Variants in GRID2 observed in about 807,000 individuals in gnomAD.
GRID2 encodes the protein glutamate receptor ionotropic, delta-2.
Under a neutral mutation model 114.8 loss-of-function variants are expected in GRID2, and 33 were observed. The ratio of observed to expected loss-of-function variants is 0.29; its 90% CI spans 0.22 to 0.38. The LOEUF (loss-of-function observed/expected upper bound fraction) is 0.38. GRID2 is among the 10% of genes least tolerant of loss of function. The pLI is 1.00. For synonymous variants in GRID2, 505 were observed against 449.9 expected (o/e 1.12, Z -1.55); for missense variants, 1,184 against 1,257.7 (o/e 0.94, Z 0.89).
At chr4:92,992,970 T>TGCA (rs1381873396) in intron 2 of GRID2, among the ~76,000 whole-genome samples, 1 of 152,062 alleles carries the variant, frequency 6.6e-6, no homozygotes, top group Non-Finnish European at 1.5e-5. Context: ...CACTTTCCAT[T>TGCA]GCAGCTACTT....
intron 1 of GRID2, among the ~76,000 whole-genome samples, chr4:92,410,451 T>C (rs961376755): frequency 2.6e-5 from 4 of 152,214 alleles, no homozygotes; most frequent in Non-Finnish European, 5.9e-5. Flanking sequence ...ACACGTATTT[T>C]GTATGCAGTG....
At chr4:93,673,439 T>G (rs766771013) in intron 14 of GRID2, among the ~76,000 whole-genome samples, 17 of 152,194 alleles carry the variant, frequency 1.1e-4, no homozygotes, top group Non-Finnish European at 1.0e-4. Flanking sequence ...ATGGCCTACA[T>G]TTGTACAGGG....
intron 2 of GRID2, among the ~76,000 whole-genome samples, chr4:92,760,883 A>AGGC (rs1211555316): frequency 5.3e-5 from 8 of 152,290 alleles, no homozygotes; most frequent in African/African-American, 1.9e-4. Context: ...GCTCTAAATG[A>AGGC]TCACATTTTG....
At chr4:92,705,129 G>T (rs1734894636) in intron 2 of GRID2, among the ~76,000 whole-genome samples, 1 of 151,976 alleles carries the variant, frequency 6.6e-6, no homozygotes, top group Non-Finnish European at 1.5e-5. Context: ...AAAGATAAGA[G>T]AATATACCTG....
chr4:92,376,410 G>C (rs1159175676), intron 1 of GRID2, among the ~76,000 whole-genome samples: 2 of 152,142 alleles, frequency 1.3e-5, no homozygotes, highest in African/African-American at 4.8e-5. Flanking sequence ...AGGCAGCTCT[G>C]TCCCATGGCT....
At position 93,389,035 on chromosome 4, in the gene GRID2, A is replaced by G. The variant is rs190079694; in HGVS notation, c.1246-6572A>G. The stretch of plus-strand genomic sequence containing the variant: ...GTTTAGGAGTAAAGATCTAAATTGC[A>G]ATAGAGATGCTTTACACTAACCTTG... On this transcript the variant is annotated intron_variant, in intron 8 of 15. Coordinates refer to ENST00000282020, the MANE Select transcript of GRID2 (RefSeq NM_001510.4). Among the ~76,000 whole-genome samples the G allele has an allele frequency of 4.2e-4, 64 of 152,320 alleles. 1 individual carries two copies. Among genetic ancestry groups the G allele is most frequent in the Admixed American group, 3.5e-3 (54 of 15,296 alleles).
At chr4:93,169,002 A>G (rs1327117388) in intron 4 of GRID2, among the ~76,000 whole-genome samples, 2 of 152,112 alleles carry the variant, frequency 1.3e-5, no homozygotes, top group African/African-American at 2.4e-5. Context: ...CATTATTTAA[A>G]TATTCCCTCA....
chr4:93,662,358 T>C (rs892840515), intron 14 of GRID2, among the ~76,000 whole-genome samples: 7 of 152,186 alleles, frequency 4.6e-5, no homozygotes, highest in African/African-American at 1.7e-4. Flanking sequence ...GTCCTTCCCA[T>C]AATATGCAGA....
intron 13 of GRID2, among the ~76,000 whole-genome samples, chr4:93,601,177 C>G (rs1279027930): frequency 1.3e-5 from 2 of 152,218 alleles, no homozygotes; most frequent in Middle Eastern, 3.4e-3. Flanking sequence ...AATGGTTGTA[C>G]TGTGTGATTT....
intron 1 of GRID2, among the ~76,000 whole-genome samples, chr4:92,582,389 G>A (rs1187669865): frequency 2.0e-5 from 3 of 151,590 alleles, no homozygotes; most frequent in African/African-American, 7.3e-5. Context: ...TAACTGCAAA[G>A]ATTGTTATTT....
chr4:92,429,898 C>T (rs1347272542), intron 1 of GRID2, among the ~76,000 whole-genome samples: 1 of 152,092 alleles, frequency 6.6e-6, no homozygotes, highest in Non-Finnish European at 1.5e-5. Flanking sequence ...GTTTGTATAT[C>T]TTCTTTTGAG....
intron 2 of GRID2, among the ~76,000 whole-genome samples, chr4:92,944,103 C>T (rs745532460): frequency 6.6e-6 from 1 of 152,178 alleles, no homozygotes; most frequent in African/African-American, 2.4e-5. Context: ...CTACTCTCTT[C>T]AAAGCTGTCA....
intron 1 of GRID2, among the ~76,000 whole-genome samples, chr4:92,450,811 TTTTAA>T (rs919655287): frequency 9.4e-5 from 14 of 149,040 alleles, no homozygotes; most frequent in African/African-American, 2.7e-4. Flanking sequence ...TAAAAATAAA[TTTTAA>T]TTTAATTTAA....
intron 1 of GRID2, among the ~76,000 whole-genome samples, chr4:92,485,227 G>A (rs1398536306): frequency 6.9e-6 from 1 of 144,746 alleles, no homozygotes; most frequent in Non-Finnish European, 1.5e-5. Context: ...GTTTCTAATT[G>A]AATAAATTTA....
intron 14 of GRID2, among the ~76,000 whole-genome samples, chr4:93,760,140 G>T (rs1733083873): frequency 6.6e-6 from 1 of 152,160 alleles, no homozygotes; most frequent in East Asian, 1.9e-4. Context: ...GGTTTGAAGT[G>T]ATCAATCAGT....
chr4:92,353,821 C>T (rs911641593), intron 1 of GRID2, among the ~76,000 whole-genome samples: 3 of 151,966 alleles, frequency 2.0e-5, no homozygotes, highest in African/African-American at 7.2e-5. Context: ...TGGTCACGCA[C>T]ATGACTTCCT....
At chr4:92,954,332 C>T (rs562328612) in intron 2 of GRID2, among the ~76,000 whole-genome samples, 1 of 152,214 alleles carries the variant, frequency 6.6e-6, no homozygotes, top group South Asian at 2.1e-4. Flanking sequence ...CCAAATTTCC[C>T]CAGTTATACT....
chr4:93,357,635 TATATTGCTACAAA>T (rs1237629436), intron 8 of GRID2, among the ~76,000 whole-genome samples: 1 of 151,734 alleles, frequency 6.6e-6, no homozygotes, highest in East Asian at 1.9e-4. Flanking sequence ...TATTAAAATT[TATATTGCTACAAA>T]ATATTGCTAC....
intron 2 of GRID2, among the ~76,000 whole-genome samples, chr4:92,825,540 A>G (rs192317721): frequency 6.9e-4 from 105 of 152,252 alleles, no homozygotes; most frequent in Non-Finnish European, 1.3e-3. Flanking sequence ...TTGCTCTAAC[A>G]TCTCATACCT....
Sources: allele counts gnomAD v4.1 joint callset (sites outside exome capture counted in the v4.1 genomes callset), GRCh38; gene constraint gnomAD v4.1.1; transcripts MANE v1.5; gene names NCBI Gene and HGNC (gene_info 2026-07-23, HGNC 2026-07-21).